The following RXRA variants were observed in gnomAD, a reference collection of about 807,000 sequenced individuals.
The protein encoded by RXRA is retinoic acid receptor RXR-alpha.
In RXRA, 5 loss-of-function variants were observed where a neutral mutation model predicts 44.5. The observed-to-expected ratio is 0.11, with a 90% CI of 0.06 to 0.24. RXRA has a LOEUF of 0.24. Ranked by LOEUF, RXRA falls within the 10% of genes least tolerant of loss-of-function variation. RXRA has a pLI of 1.00. For missense variants in RXRA, 412 were observed against 646.5 expected, an observed-to-expected ratio of 0.64 and a Z score of 3.93; for synonymous variants, 291 against 271.4, an observed-to-expected ratio of 1.07 and a Z score of -0.71.
At chr9:134,425,533 C>T (rs988460403) in intron 6 of RXRA, 72 of 829,314 alleles carry the variant, frequency 8.7e-5, no homozygotes, top group Admixed American at 1.1e-4. Flanking sequence ...GCACCTCCTG[C>T]GTGGCGGCAG....
chr9:134,432,044 C>T, intron 8 of RXRA, 48 bp downstream of exon 8: 1 of 1,483,868 alleles, frequency 6.7e-7, no homozygotes. Context: ...TCTGGTGGGG[C>T]AGAGGTGCCT....
At chr9:134,376,655 G>C (rs1246224999) in intron 1 of RXRA, among the ~76,000 whole-genome samples, 3 of 11,710 alleles carry the variant, frequency 2.6e-4, no homozygotes, top group African/African-American at 6.5e-4. Context: ...ACCTGTGCTG[G>C]CTGGTGCATC....
At chr9:134,394,829 A>C (rs1800551443) in intron 1 of RXRA, among the ~76,000 whole-genome samples, 1 of 152,134 alleles carries the variant, frequency 6.6e-6, no homozygotes, top group African/African-American at 2.4e-5. Context: ...GGGAGGGCAG[A>C]GGTGTGAGAG....
intron 1 of RXRA, among the ~76,000 whole-genome samples, chr9:134,330,796 G>T (rs975148676): frequency 3.1e-4 from 47 of 152,346 alleles, no homozygotes; most frequent in African/African-American, 9.4e-4. Flanking sequence ...CTGCTCTTTG[G>T]CCTCTTGGGG....
At chr9:134,390,339 G>T (rs1830781586) in intron 1 of RXRA, among the ~76,000 whole-genome samples, 1 of 152,206 alleles carries the variant, frequency 6.6e-6, no homozygotes, top group South Asian at 2.1e-4. Flanking sequence ...CGGGTCACTT[G>T]GCGGGAGGTC....
intron 1 of RXRA, among the ~76,000 whole-genome samples, chr9:134,394,654 G>A (rs766098957): frequency 6.6e-5 from 10 of 152,168 alleles, no homozygotes; most frequent in Admixed American, 2.6e-4. Context: ...GCACTTGCAC[G>A]CTACGTGCCT....
chr9:134,328,096 G>A (rs559854113), intron 1 of RXRA, among the ~76,000 whole-genome samples: 3 of 152,162 alleles, frequency 2.0e-5, no homozygotes, highest in Non-Finnish European at 2.9e-5. Flanking sequence ...GTCTGTGACC[G>A]AGTGCAGTGT....
Position 134,438,447 on chromosome 9 carries a change from G to A in RXRA, c.*1833G>A, listed in dbSNP as rs1188915709. ...CCGAGACAGGCTGTCAGAGATTCCAGAAGCCTCTCCTCCCCGCCGCCCTCC... is the reference window on the plus strand; with the variant it reads ...CCGAGACAGGCTGTCAGAGATTCCAAAAGCCTCTCCTCCCCGCCGCCCTCC... On this transcript the variant is annotated 3_prime_UTR_variant, in exon 10 of 10. Transcript: ENST00000481739. 1 of 152,268 alleles carries A rather than the reference G, an allele frequency of 6.6e-6. No individual in the cohort carries two copies. The highest frequency in any genetic ancestry group is 1.5e-5 in the Non-Finnish European group (1 of 68,072). The allele number at this position is 152,268 out of a possible 1,614,324, so 9.4% of individuals were successfully genotyped here.
intron 1 of RXRA, chr9:134,380,047 G>A (rs748640487): frequency 2.0e-6 from 2 of 985,424 alleles, no homozygotes; most frequent in Non-Finnish European, 2.4e-6. Flanking sequence ...CCCTGCCTGA[G>A]CACAATCTTC....
intron 4 of RXRA, among the ~76,000 whole-genome samples, chr9:134,415,114 G>A (rs915678108): frequency 1.3e-5 from 2 of 152,272 alleles, no homozygotes; most frequent in Non-Finnish European, 2.9e-5. Flanking sequence ...TGCCTGGTTG[G>A]TGTATCCTGA....
At chr9:134,353,355 A>G (rs1381522093) in intron 1 of RXRA, among the ~76,000 whole-genome samples, 1 of 151,890 alleles carries the variant, frequency 6.6e-6, no homozygotes, top group African/African-American at 2.4e-5. Flanking sequence ...AGCATACTGG[A>G]GAGTGGGAAG....
intron 1 of RXRA, among the ~76,000 whole-genome samples, chr9:134,391,524 G>A (rs1830799693): frequency 6.6e-6 from 1 of 152,238 alleles, no homozygotes; most frequent in Non-Finnish European, 1.5e-5. Context: ...GGCAGGCGGG[G>A]TTTCTCCAGG....
intron 1 of RXRA, among the ~76,000 whole-genome samples, chr9:134,367,924 A>G (rs1215217774): frequency 3.9e-5 from 6 of 152,376 alleles, no homozygotes; most frequent in Non-Finnish European, 8.8e-5. Flanking sequence ...TAGTTCCCAG[A>G]GCTGCCTGAC....
chr9:134,425,569 G>T, intron 6 of RXRA: 1 of 816,472 alleles, frequency 1.2e-6, no homozygotes, highest in Non-Finnish European at 1.5e-6. Context: ...GGGGTGAGGG[G>T]GGTGGGGGGA....
intron 1 of RXRA, among the ~76,000 whole-genome samples, chr9:134,395,332 T>C (rs566546089): frequency 6.6e-6 from 1 of 152,334 alleles, no homozygotes; most frequent in East Asian, 1.9e-4. Flanking sequence ...ACCCTTTCCC[T>C]CCTGGCCCAC....
chr9:134,422,545 C>G (rs1400487230), intron 6 of RXRA: 41 of 1,207,838 alleles, frequency 3.4e-5, no homozygotes, highest in Admixed American at 1.7e-4. Context: ...GACACTCCCC[C>G]CTCCTGGGAC....
intron 5 of RXRA, among the ~76,000 whole-genome samples, chr9:134,419,162 A>T (rs978922363): frequency 2.0e-5 from 3 of 152,160 alleles, no homozygotes; most frequent in African/African-American, 7.2e-5. Flanking sequence ...GTCTGCACGC[A>T]TGCCCTGCCC....
chr9:134,350,664 C>T (rs1248386318), intron 1 of RXRA, among the ~76,000 whole-genome samples: 3 of 152,242 alleles, frequency 2.0e-5, no homozygotes, highest in Non-Finnish European at 2.9e-5. Flanking sequence ...CAGCTCCACC[C>T]TGCCCTTCCC....
intron 1 of RXRA, among the ~76,000 whole-genome samples, chr9:134,329,962 G>T (rs1316728783): frequency 1.3e-5 from 2 of 152,228 alleles, no homozygotes; most frequent in Non-Finnish European, 1.5e-5. Flanking sequence ...ATCAGGAGAG[G>T]GTGGGACAGA....
Sources: allele counts gnomAD v4.1 joint callset (sites outside exome capture counted in the v4.1 genomes callset), GRCh38; gene constraint gnomAD v4.1.1; transcripts MANE v1.5; gene names NCBI Gene and HGNC (gene_info 2026-07-23, HGNC 2026-07-21).